The following SPATA13 variants were observed in gnomAD, a reference collection of about 807,000 sequenced individuals.
SPATA13 encodes spermatogenesis-associated protein 13.
SPATA13 carries 50 observed loss-of-function variants against 104.0 expected under a neutral mutation model. That is an observed-to-expected ratio of 0.48 (90% CI 0.38 to 0.61). SPATA13 has a LOEUF of 0.61. Ranked by LOEUF, SPATA13 falls within the 20% of genes least tolerant of loss-of-function variation. The pLI is 0.00. For synonymous variants in SPATA13, 606 were observed against 667.5 expected, an observed-to-expected ratio of 0.91 and a Z score of 1.42; for missense variants, 1,524 against 1,690.6, an observed-to-expected ratio of 0.90 and a Z score of 1.73.
chr13:24,283,341 G>A (rs1034564423), intron 4 of SPATA13, among the ~76,000 whole-genome samples: 1 of 152,150 alleles, frequency 6.6e-6, no homozygotes, highest in African/African-American at 2.4e-5. Context: ...CAGTCATTCC[G>A]TTGGAAAAAA....
At chr13:24,074,096 G>A (rs965346055) in intron 3 of SPATA13, among the ~76,000 whole-genome samples, 2 of 152,142 alleles carry the variant, frequency 1.3e-5, no homozygotes, top group Admixed American at 6.5e-5. Context: ...AATGTTAAGT[G>A]CATTCACATT....
chr13:24,099,355 T>C (rs28638389), intron 3 of SPATA13, among the ~76,000 whole-genome samples: 7,440 of 152,330 alleles, frequency 0.049, 580 homozygotes, highest in African/African-American at 0.17. Context: ...TATCCTGTCC[T>C]GTCCAACAAG....
chr13:23,993,993 T>C (rs1373565823), intron 2 of SPATA13, among the ~76,000 whole-genome samples: 1 of 151,236 alleles, frequency 6.6e-6, no homozygotes, highest in African/African-American at 2.4e-5. Flanking sequence ...TTTCTTTTTT[T>C]TTTTTGACAA....
intron 2 of SPATA13, among the ~76,000 whole-genome samples, chr13:24,233,886 A>AACACACAC (rs10571334): frequency 1.6e-4 from 23 of 147,672 alleles, no homozygotes; most frequent in South Asian, 1.1e-3. Flanking sequence ...TATACACTTA[A>AACACACAC]ACACACACAC....
intron 2 of SPATA13, among the ~76,000 whole-genome samples, chr13:23,995,357 G>GCT (rs1875628846): frequency 6.6e-6 from 1 of 152,112 alleles, no homozygotes; most frequent in Admixed American, 6.5e-5. Flanking sequence ...CCATTGAACG[G>GCT]GATTTGACAT....
chr13:24,280,192 G>A (rs1392301921), intron 4 of SPATA13, among the ~76,000 whole-genome samples: 1 of 152,140 alleles, frequency 6.6e-6, no homozygotes, highest in Non-Finnish European at 1.5e-5. Context: ...GTTTTGCTAA[G>A]TGTTTATGAA....
intron 3 of SPATA13, among the ~76,000 whole-genome samples, chr13:24,031,789 TC>T (rs2137716684): frequency 6.6e-6 from 1 of 152,296 alleles, no homozygotes; most frequent in Admixed American, 6.5e-5. Flanking sequence ...CATCCAGCAT[TC>T]TGCAGTTAAT....
At chr13:24,019,006 T>A (rs1876839174) in intron 3 of SPATA13, among the ~76,000 whole-genome samples, 1 of 152,100 alleles carries the variant, frequency 6.6e-6, no homozygotes, top group South Asian at 2.1e-4. Context: ...TCAACAGACA[T>A]ATTAGAATTT....
chr13:24,034,000 T>G (rs147794628), intron 3 of SPATA13: 3 of 152,250 alleles, frequency 2.0e-5, no homozygotes, highest in Admixed American at 6.5e-5. Flanking sequence ...ATCGCAATTC[T>G]GAAGATTCCA....
At chr13:24,017,034 C>T (rs1271791726) in intron 2 of SPATA13, among the ~76,000 whole-genome samples, 2 of 152,178 alleles carry the variant, frequency 1.3e-5, no homozygotes, top group South Asian at 2.1e-4. Context: ...TAGTGAGGAG[C>T]GCCCGAAGTG....
chr13:24,036,993 C>T (rs576283969), intron 3 of SPATA13, among the ~76,000 whole-genome samples: 1 of 151,932 alleles, frequency 6.6e-6, no homozygotes, highest in East Asian at 1.9e-4. Context: ...CCAGGATGGT[C>T]TCAATCTTTT....
chr13:24,142,225 G>T (rs1196688048), intron 3 of SPATA13, among the ~76,000 whole-genome samples: 2 of 150,366 alleles, frequency 1.3e-5, no homozygotes, highest in African/African-American at 2.5e-5. Context: ...ACAGTGCACT[G>T]ATTAAAACCA....
chr13:24,017,467 G>C (rs1170999266), intron 2 of SPATA13, among the ~76,000 whole-genome samples: 1 of 152,058 alleles, frequency 6.6e-6, no homozygotes, highest in African/African-American at 2.4e-5. Flanking sequence ...TGCTCTTAAG[G>C]CCATGTGAGA....
At chr13:24,114,151 G>A (rs905354054) in intron 3 of SPATA13, among the ~76,000 whole-genome samples, 1 of 152,168 alleles carries the variant, frequency 6.6e-6, no homozygotes, top group African/African-American at 2.4e-5. Context: ...TAATTCAGAT[G>A]TGCTACAAGG....
chr13:24,280,953 G>A (rs1044008078), intron 4 of SPATA13, among the ~76,000 whole-genome samples: 1 of 152,144 alleles, frequency 6.6e-6, no homozygotes, highest in Non-Finnish European at 1.5e-5. Flanking sequence ...TCAGGCTCCC[G>A]TGTTTCTCAG....
chr13:24,277,568 G>T (rs1875108858), intron 4 of SPATA13, among the ~76,000 whole-genome samples: 2 of 152,048 alleles, frequency 1.3e-5, no homozygotes, highest in African/African-American at 4.8e-5. Context: ...GATGAGCACA[G>T]GGGTGGGAGT....
intron 3 of SPATA13, among the ~76,000 whole-genome samples, chr13:24,105,291 T>A (rs781589970): frequency 1.3e-5 from 2 of 151,930 alleles, no homozygotes; most frequent in African/African-American, 2.4e-5. Flanking sequence ...CCAGGCTAAT[T>A]TTTATTTTTA....
At chr13:23,979,826 G>A (rs1435017022) in exon 1 of SPATA13, 1 of 152,626 alleles carries the variant, frequency 6.6e-6, no homozygotes, top group Admixed American at 6.5e-5. Context: ...ACAGTTTCCA[G>A]TCGGCTTCTC....
At chr13:24,270,570 T>C in intron 4 of SPATA13, 1 of 496,054 alleles carries the variant, frequency 2.0e-6, no homozygotes, top group Non-Finnish European at 3.6e-6. Flanking sequence ...GGCTTGTGAG[T>C]GTGTTTGTCT....
Sources: allele counts gnomAD v4.1 joint callset (sites outside exome capture counted in the v4.1 genomes callset), GRCh38; gene constraint gnomAD v4.1.1; transcripts MANE v1.5; gene names NCBI Gene and HGNC (gene_info 2026-07-23, HGNC 2026-07-21).